The following DESI2 variants were observed in gnomAD, a reference collection of about 807,000 sequenced individuals.
The protein encoded by DESI2 is deubiquitinase DESI2.
DESI2 carries 10 observed loss-of-function variants against 24.1 expected under a neutral mutation model. That is an observed-to-expected ratio of 0.41 (90% CI 0.26 to 0.70). The LOEUF is 0.70. Ranked by LOEUF, DESI2 falls within the 30% of genes least tolerant of loss-of-function variation. The pLI is 0.29. For synonymous variants in DESI2, 71 were observed against 87.7 expected (o/e 0.81, Z 1.06); for missense variants, 122 against 234.9 (o/e 0.52, Z 3.14).
intron 4 of DESI2, among the ~76,000 whole-genome samples, chr1:244,697,197 T>C (rs1346732215): frequency 6.6e-6 from 1 of 152,064 alleles, no homozygotes; most frequent in Non-Finnish European, 1.5e-5. Flanking sequence ...GTGGAGACCT[T>C]TGACTCACAG....
In DESI2 at chr1:244,702,330, A is replaced by G. The variant is rs1348214322; in HGVS notation, c.352-3226A>G. ...GGAGTTTGAGACCAGCCTGGCCAAC[A>G]TGGTGAAACGCCGTCTCTACTAAAA... is the stretch of plus-strand genomic sequence containing the variant. On this transcript the variant is annotated intron_variant, in intron 4 of 4. Transcript: ENST00000302550. Among the ~76,000 whole-genome samples, 8 of 151,814 alleles carry G rather than the reference A, an allele frequency of 5.3e-5. No individual in the cohort carries two copies. In the South Asian group the frequency reaches 1.2e-3, roughly 24 times the overall value.
chr1:244,679,656 A>C (rs1676535301), intron 1 of DESI2, among the ~76,000 whole-genome samples: 1 of 152,142 alleles, frequency 6.6e-6, no homozygotes, highest in South Asian at 2.1e-4. Flanking sequence ...GGATCACTTG[A>C]GGCCAGGAGT....
chr1:244,654,126 A>C (rs1300082076), intron 1 of DESI2: 1 of 426,084 alleles, frequency 2.3e-6, no homozygotes, highest in Non-Finnish European at 4.9e-6. Context: ...ATCGAGTCCA[A>C]GAACTGGTTT....
intron 3 of DESI2, among the ~76,000 whole-genome samples, chr1:244,691,276 C>T (rs969778335): frequency 6.6e-5 from 10 of 152,282 alleles, no homozygotes; most frequent in South Asian, 2.1e-4. Flanking sequence ...GTTTTAGAGA[C>T]GGGGGTTTCA....
intron 2 of DESI2, among the ~76,000 whole-genome samples, chr1:244,688,791 C>T (rs1011602984): frequency 2.0e-5 from 3 of 152,150 alleles, no homozygotes; most frequent in African/African-American, 7.2e-5. Flanking sequence ...TAATGTTCCA[C>T]CCTACTCAAA....
At chr1:244,661,074 C>G (rs2148781996) in intron 1 of DESI2, among the ~76,000 whole-genome samples, 1 of 152,284 alleles carries the variant, frequency 6.6e-6, no homozygotes. Flanking sequence ...ACTATACAAT[C>G]TACTGTGTTA....
chr1:244,701,190 G>T (rs924669112), intron 4 of DESI2, among the ~76,000 whole-genome samples: 8 of 130,686 alleles, frequency 6.1e-5, no homozygotes, highest in Non-Finnish European at 1.1e-4. Flanking sequence ...AAAGCCAAGG[G>T]CATGACTGGA....
intron 1 of DESI2, among the ~76,000 whole-genome samples, chr1:244,682,446 T>TA (rs1281653552): frequency 6.6e-6 from 1 of 152,250 alleles, no homozygotes; most frequent in Non-Finnish European, 1.5e-5. Context: ...GAAAAACATT[T>TA]ACATCGTTCA....
At position 244,696,746 on chromosome 1, in the gene DESI2, C is replaced by A. The variant is rs547015266; in HGVS notation, c.351+4726C>A. Among the ~76,000 whole-genome samples, 19 of 152,350 alleles carry A rather than the reference C, an allele frequency of 1.2e-4. 1 individual carries two copies. In the South Asian group the frequency reaches 3.9e-3, roughly 32 times the overall value. Reference sequence around the variant, plus strand: ...TGCAGGATTGGTCCTGAGCTGGCATCTGCGAGCTTGGACTTCTGTAAGGTT... The same window carrying A: ...TGCAGGATTGGTCCTGAGCTGGCATATGCGAGCTTGGACTTCTGTAAGGTT... On this transcript the variant is annotated intron_variant, in intron 4 of 4. Transcript: ENST00000302550.
At chr1:244,705,175 A>G (rs560882321) in intron 4 of DESI2, among the ~76,000 whole-genome samples, 20 of 152,338 alleles carry the variant, frequency 1.3e-4, no homozygotes, top group African/African-American at 3.8e-4. Context: ...GACTCTTCCA[A>G]TTGCCTGGGG....
At chr1:244,681,346 T>G (rs186377940) in intron 1 of DESI2, among the ~76,000 whole-genome samples, 3 of 152,254 alleles carry the variant, frequency 2.0e-5, no homozygotes, top group Non-Finnish European at 4.4e-5. Context: ...TCTTCTGTGT[T>G]TTTTATCTCC....
chr1:244,702,833 T>G (rs1558138055), intron 4 of DESI2, among the ~76,000 whole-genome samples: 1 of 152,100 alleles, frequency 6.6e-6, no homozygotes, highest in Non-Finnish European at 1.5e-5. Flanking sequence ...CTGAATGAAA[T>G]TAGGACTTGG....
intron 4 of DESI2, among the ~76,000 whole-genome samples, chr1:244,693,674 G>A (rs530649418): frequency 2.8e-4 from 43 of 152,118 alleles, no homozygotes; most frequent in Admixed American, 5.2e-4. Context: ...CAAGTGATCC[G>A]CCCGCCTCAG....
At chr1:244,676,422 A>G (rs1295573961) in intron 1 of DESI2, among the ~76,000 whole-genome samples, 1 of 152,066 alleles carries the variant, frequency 6.6e-6, no homozygotes, top group African/African-American at 2.4e-5. Flanking sequence ...CAATGTTTTT[A>G]ACTTATCTAT....
At chr1:244,655,798 G>A (rs1393307739) in intron 1 of DESI2, among the ~76,000 whole-genome samples, 1 of 152,238 alleles carries the variant, frequency 6.6e-6, no homozygotes, top group Non-Finnish European at 1.5e-5. Context: ...GGAACTATCA[G>A]CTGGTCCAGT....
chr1:244,653,284 G>A lies in DESI2; in HGVS notation c.-30G>A, dbSNP rs754275364. On this transcript the variant is annotated 5_prime_UTR_variant, in exon 1 of 5. Coordinates refer to ENST00000302550, the MANE Select transcript of DESI2 (RefSeq NM_016076.5). ...CGGCCCCGCGGAGACGGAGCGGCTT[G>A]AGGACGAGGCGGCGGCCGCGGGGAG... The A allele has an allele frequency of 1.3e-6, 2 of 1,484,508 alleles. No individual in the cohort carries two copies. Among genetic ancestry groups the A allele is most frequent in the South Asian group, 2.7e-5 (2 of 72,850 alleles). The allele number at this position is 1,484,508 out of a possible 1,614,324, so 92.0% of individuals were successfully genotyped here. A position where few individuals can be genotyped will look rare whatever the true frequency, so the allele number is the denominator to read the frequency against.
At chr1:244,697,130 T>C (rs1677247197) in intron 4 of DESI2, among the ~76,000 whole-genome samples, 1 of 152,180 alleles carries the variant, frequency 6.6e-6, no homozygotes, top group Non-Finnish European at 1.5e-5. Context: ...TAAGTCATAG[T>C]CATGAGTATG....
chr1:244,700,596 A>T lies in DESI2; in HGVS notation c.352-4960A>T, dbSNP rs547581049. On this transcript the variant is annotated intron_variant, in intron 4 of 4. Coordinates refer to ENST00000302550, the MANE Select transcript of DESI2 (RefSeq NM_016076.5). ...GCATTCAGGTTGCTCACTACTACTG[A>T]ATTGATAATTGTTTCTAGCTCCTCA... Among the ~76,000 whole-genome samples, 73 of 152,268 alleles carry T rather than the reference A, an allele frequency of 4.8e-4. 1 individual carries two copies. The highest frequency in any genetic ancestry group is 3.4e-3 in the Middle Eastern group (1 of 294).
chr1:244,673,191 C>T (rs938929699), intron 1 of DESI2, among the ~76,000 whole-genome samples: 2 of 152,162 alleles, frequency 1.3e-5, no homozygotes, highest in Non-Finnish European at 2.9e-5. Flanking sequence ...AAGATTGAGC[C>T]TTCCAGGCGT....
Sources: allele counts gnomAD v4.1 joint callset (sites outside exome capture counted in the v4.1 genomes callset), GRCh38; gene constraint gnomAD v4.1.1; transcripts MANE v1.5; gene names NCBI Gene and HGNC (gene_info 2026-07-23, HGNC 2026-07-21).